The following IFT81 variants were observed in gnomAD, a reference collection of about 807,000 sequenced individuals.
IFT81 encodes intraflagellar transport protein 81 homolog.
Under a neutral mutation model 102.6 loss-of-function variants are expected in IFT81, and 72 were observed. That is an observed-to-expected ratio of 0.70 (90% CI 0.58 to 0.85). IFT81 has a LOEUF of 0.85. Among genes scored for constraint, IFT81 ranks in the 40% least tolerant of loss-of-function variants. The probability of loss-of-function intolerance (pLI) is 0.00; values close to 1 mark genes in which losing one functional copy is unlikely to be tolerated. For synonymous variants in IFT81, 237 were observed against 242.7 expected, an observed-to-expected ratio of 0.98 and a Z score of 0.22; for missense variants, 723 against 787.3, an observed-to-expected ratio of 0.92 and a Z score of 0.98.
intron 11 of IFT81, among the ~76,000 whole-genome samples, chr12:110,166,702 A>G (rs1350569355): frequency 6.6e-6 from 1 of 150,970 alleles, no homozygotes; most frequent in African/African-American, 2.4e-5. Context: ...TTGCCATCAA[A>G]TATGATTCCT....
rs774415653 is a variant in IFT81, at chr12:110,132,606, A to G, written c.489A>G (p.Ile163Met). The change falls in exon 5 of 19, where the codon ATA (isoleucine) becomes ATG (methionine). Residue 163 changes from isoleucine (I) to methionine (M), a missense_variant. Physicochemically the swap from Ile to Met is conservative, Grantham distance 10. Transcript: ENST00000242591. ...ATAAAGAATATGAGCAGCTCAAGATATCTGGATTTTCTACAGCAGAAATAA... is the reference window on the plus strand; with the variant it reads ...ATAAAGAATATGAGCAGCTCAAGATGTCTGGATTTTCTACAGCAGAAATAA... ...TLHKEYEQLK[I>M]SGFSTAEIRK... The G allele has an allele frequency of 5.1e-6, 8 of 1,583,284 alleles. No homozygotes were observed. The East Asian group carries it at 1.3e-4, about 27-fold the overall frequency.
rs535310850 is a variant in IFT81, at chr12:110,127,455, G to A, written c.75G>A (p.Thr25=). 5.6e-6 allele frequency: 9 copies of A among 1,609,608 alleles called. No homozygotes were observed. The highest frequency in any genetic ancestry group is 2.2e-5 in the East Asian group (1 of 44,726). The change falls in exon 2 of 19, where the codon ACG becomes ACA. Residue 25 remains threonine (T), a synonymous_variant. Coordinates refer to ENST00000242591, the MANE Select transcript of IFT81 (RefSeq NM_014055.4). Reference sequence around the variant, plus strand: ...TTAGGAAGAACTATAATTTAATCACGTTTGATTCCTTGGAGCCAATGCAAC... The same window carrying A: ...TTAGGAAGAACTATAATTTAATCACATTTGATTCCTTGGAGCCAATGCAAC... ...EPFRKNYNLI[T]FDSLEPMQLL... is the part of the protein sequence containing the mutation.
At chr12:110,185,226 C>T (rs1897472865) in intron 12 of IFT81, among the ~76,000 whole-genome samples, 1 of 152,040 alleles carries the variant, frequency 6.6e-6, no homozygotes, top group Non-Finnish European at 1.5e-5. Context: ...CTCTCTGTTG[C>T]CCAAGCTGGA....
chr12:110,156,758 A>G (rs937318141), intron 10 of IFT81, among the ~76,000 whole-genome samples: 4 of 152,158 alleles, frequency 2.6e-5, no homozygotes, highest in Non-Finnish European at 1.5e-5. Flanking sequence ...CAGCCTTCCA[A>G]AGTACCAAGA....
At chr12:110,181,070 A>G (rs920476478) in intron 12 of IFT81, among the ~76,000 whole-genome samples, 3 of 151,804 alleles carry the variant, frequency 2.0e-5, no homozygotes, top group Admixed American at 1.3e-4. Flanking sequence ...TGTGGATGCC[A>G]GTTCCTCAGG....
At chr12:110,181,130 A>G (rs1212449793) in intron 12 of IFT81, among the ~76,000 whole-genome samples, 1 of 151,898 alleles carries the variant, frequency 6.6e-6, no homozygotes, top group Non-Finnish European at 1.5e-5. Flanking sequence ...GGAAACTTTC[A>G]TCTGGGTGCT....
Position 110,143,317 on chromosome 12 carries a change from T to A in IFT81, c.782-65T>A. 3.2e-6 allele frequency: 3 copies of A among 948,230 alleles called. No individual in the cohort carries two copies. In the South Asian group the frequency reaches 9.7e-5, roughly 31 times the overall value. 58.7% of individuals were successfully genotyped at this position (948,230 alleles called of 1,614,324 possible). ...CCGTATCCAGGTCTTATATTTAAAA[T>A]AGTATACAGAATATCACTGTACCTA... On this transcript the variant is annotated intron_variant, in intron 8 of 18. Transcript: ENST00000242591.
intron 12 of IFT81, among the ~76,000 whole-genome samples, chr12:110,190,353 C>A (rs1897736274): frequency 6.6e-6 from 1 of 152,166 alleles, no homozygotes. Flanking sequence ...CCCTCACTTC[C>A]TACGGGGCTT....
At chr12:110,139,847 T>TAAAATA (rs1225456910) in intron 8 of IFT81, among the ~76,000 whole-genome samples, 36 of 118,872 alleles carry the variant, frequency 3.0e-4, no homozygotes, top group African/African-American at 1.4e-3. Context: ...TAAAATAAAA[T>TAAAATA]AAATAAAATA....
At chr12:110,210,826 A>G (rs546207747) in intron 18 of IFT81, among the ~76,000 whole-genome samples, 43 of 152,172 alleles carry the variant, frequency 2.8e-4, no homozygotes, top group African/African-American at 9.4e-4. Flanking sequence ...TTGGATGTTA[A>G]CATCCGATAC....
At chr12:110,198,261 T>G (rs1898102339) in intron 14 of IFT81, among the ~76,000 whole-genome samples, 1 of 152,014 alleles carries the variant, frequency 6.6e-6, no homozygotes, top group South Asian at 2.1e-4. Flanking sequence ...TTACAATAAG[T>G]AAGCCATCTT....
At chr12:110,186,293 TCTC>T (rs912547926) in intron 12 of IFT81, among the ~76,000 whole-genome samples, 6 of 152,278 alleles carry the variant, frequency 3.9e-5, no homozygotes, top group African/African-American at 1.4e-4. Context: ...AGACTGTTAT[TCTC>T]TGGTTTGTAA....
chr12:110,211,002 CA>C (rs1276064259), intron 18 of IFT81, among the ~76,000 whole-genome samples: 1 of 146,398 alleles, frequency 6.8e-6, no homozygotes, highest in Admixed American at 6.8e-5. Context: ...ACTACAGGAG[CA>C]TGCCACCATG....
intron 10 of IFT81, among the ~76,000 whole-genome samples, chr12:110,157,068 G>A (rs114311027): frequency 9.2e-4 from 139 of 151,626 alleles, no homozygotes; most frequent in African/African-American, 2.6e-3. Context: ...AGGCCTTAGA[G>A]GCCAGACACG....
chr12:110,193,450 A>G (rs1024934607), intron 14 of IFT81, among the ~76,000 whole-genome samples: 1 of 152,188 alleles, frequency 6.6e-6, no homozygotes, highest in African/African-American at 2.4e-5. Context: ...TGCACAGCAA[A>G]CTATGATAGA....
chr12:110,172,282 T>TTGCCTCTGCCTC (rs1042366244), intron 11 of IFT81, among the ~76,000 whole-genome samples: 2 of 151,662 alleles, frequency 1.3e-5, no homozygotes, highest in East Asian at 1.9e-4. Flanking sequence ...ATAGAAAAAT[T>TTGCCTCTGCCTC]TGCCTCTGCC....
intron 11 of IFT81, among the ~76,000 whole-genome samples, chr12:110,172,809 C>G (rs1896806740): frequency 2.0e-5 from 3 of 151,982 alleles, no homozygotes; most frequent in African/African-American, 4.8e-5. Flanking sequence ...CGGCCGCCAC[C>G]CCGTCTAGGA....
chr12:110,184,995 G>A (rs1897460440), intron 12 of IFT81, among the ~76,000 whole-genome samples: 1 of 152,110 alleles, frequency 6.6e-6, no homozygotes, highest in East Asian at 1.9e-4. Context: ...CCATCCACCT[G>A]TATTCTTCCC....
intron 12 of IFT81, 95 bp from the exon 13 acceptor site, chr12:110,190,825 T>C: frequency 9.0e-7 from 1 of 1,117,174 alleles, no homozygotes. Flanking sequence ...TTAATTCTAT[T>C]TACAATTTTT....
Sources: gnomAD v4.1 joint callset for allele counts (sites outside exome capture counted in the v4.1 genomes callset) on GRCh38, gnomAD v4.1.1 for gene constraint, MANE v1.5 for transcripts, NCBI Gene and HGNC (gene_info 2026-07-23, HGNC 2026-07-21) for gene names.